Variants in IL1RAPL2 observed in about 807,000 individuals in gnomAD.
The protein encoded by IL1RAPL2 is X-linked interleukin-1 receptor accessory protein-like 2.
Under a neutral mutation model 44.1 loss-of-function variants are expected in IL1RAPL2, and 3 were observed. The observed-to-expected ratio is 0.07, with a 90% CI of 0.03 to 0.18. The LOEUF is 0.18. Among genes scored for constraint, IL1RAPL2 ranks in the 10% least tolerant of loss-of-function variants. The pLI is 1.00. For synonymous variants in IL1RAPL2, 181 were observed against 178.8 expected, an observed-to-expected ratio of 1.01 and a Z score of -0.10; for missense variants, 391 against 496.4, an observed-to-expected ratio of 0.79 and a Z score of 2.02.
At chrX:104,915,932 C>G (rs187661262) in intron 2 of IL1RAPL2, among the ~76,000 whole-genome samples, 2 of 112,001 alleles carry the variant, frequency 1.8e-5, no homozygotes, top group Admixed American at 1.9e-4. Context: ...ATCTATATCT[C>G]TGTTTTCTTA....
intron 2 of IL1RAPL2, among the ~76,000 whole-genome samples, chrX:104,889,043 C>G (rs1923341726): frequency 9.0e-6 from 1 of 111,231 alleles, no homozygotes; most frequent in Non-Finnish European, 1.9e-5. Context: ...TAATTACACC[C>G]CACAACTTCA....
chrX:104,604,708 T>C (rs760642741), intron 1 of IL1RAPL2, among the ~76,000 whole-genome samples: 80 of 96,338 alleles, frequency 8.3e-4, no homozygotes, highest in African/African-American at 3.0e-3. Context: ...CCTACAAAGA[T>C]CAAAAGAGAC....
At chrX:105,068,429 C>G (rs1053738123) in intron 2 of IL1RAPL2, among the ~76,000 whole-genome samples, 23 of 111,956 alleles carry the variant, frequency 2.1e-4, no homozygotes, top group African/African-American at 7.5e-4. Context: ...GTTTCTTCAT[C>G]TGTAAAATGG....
intron 2 of IL1RAPL2, among the ~76,000 whole-genome samples, chrX:105,006,302 C>T (rs776621154): frequency 2.7e-4 from 30 of 109,877 alleles, no homozygotes; most frequent in Non-Finnish European, 4.8e-4. Context: ...TGAAATAAGG[C>T]TTTTTATGAC....
intron 6 of IL1RAPL2, among the ~76,000 whole-genome samples, chrX:105,709,981 A>T (rs2038195395): frequency 9.0e-6 from 1 of 111,212 alleles, no homozygotes; most frequent in Non-Finnish European, 1.9e-5. Flanking sequence ...GATTGAGCCA[A>T]TTGTGTACCA....
intron 4 of IL1RAPL2, among the ~76,000 whole-genome samples, chrX:105,237,655 G>C (rs5962484): frequency 0.23 from 25,725 of 111,058 alleles, 6,194 homozygotes; most frequent in African/African-American, 0.74. Context: ...TGAGAAGTGT[G>C]TGTTCATATC....
intron 6 of IL1RAPL2, among the ~76,000 whole-genome samples, chrX:105,575,546 A>C (rs2147812127): frequency 8.9e-6 from 1 of 112,228 alleles, no homozygotes; most frequent in African/African-American, 3.2e-5. Context: ...GTGTATATGT[A>C]CCACATTTTC....
At chrX:104,630,005 A>G (rs1418634809) in intron 1 of IL1RAPL2, among the ~76,000 whole-genome samples, 2 of 111,040 alleles carry the variant, frequency 1.8e-5, no homozygotes, top group African/African-American at 6.6e-5. Context: ...TGTTTTTGAG[A>G]TGGAATCTCG....
intron 3 of IL1RAPL2, among the ~76,000 whole-genome samples, chrX:105,233,263 G>A (rs1041078342): frequency 4.5e-5 from 5 of 111,726 alleles, no homozygotes; most frequent in South Asian, 7.6e-4. Flanking sequence ...CAGCCTGGGC[G>A]ACAGAGCGAG....
chrX:105,247,677 G>C lies in IL1RAPL2; in HGVS notation c.543+13673G>C, dbSNP rs61465203. On this transcript the variant is annotated intron_variant, in intron 4 of 10. Coordinates refer to ENST00000372582, the MANE Select transcript of IL1RAPL2 (RefSeq NM_017416.2). ...TAAAAGCTGATTGTTTTGACAAATC[G>C]AACAGTGAAGAGGTATATTAATATA... Among the ~76,000 whole-genome samples, 3 of 101,226 alleles carry C rather than the reference G, an allele frequency of 3.0e-5. No individual in the cohort carries two copies. In the East Asian group the frequency reaches 1.0e-3, roughly 34 times the overall value. 87.9% of individuals were successfully genotyped at this position (101,226 alleles called of 115,157 possible). A position where few individuals can be genotyped will look rare whatever the true frequency, so the allele number is the denominator to read the frequency against.
At chrX:105,216,587 G>GA (rs1180436392) in intron 3 of IL1RAPL2, among the ~76,000 whole-genome samples, 1,439 of 100,553 alleles carry the variant, frequency 0.014, 29 homozygotes, top group African/African-American at 0.046. Flanking sequence ...CACTGAATTA[G>GA]AAAAAAAAAA....
chrX:104,874,773 C>G (rs1417821652), intron 2 of IL1RAPL2, among the ~76,000 whole-genome samples: 1 of 111,552 alleles, frequency 9.0e-6, no homozygotes, highest in Non-Finnish European at 1.9e-5. Flanking sequence ...CTCTTAGATT[C>G]ACTGAACCAA....
chrX:104,687,388 C>G (rs986990925), intron 2 of IL1RAPL2, among the ~76,000 whole-genome samples: 1 of 110,747 alleles, frequency 9.0e-6, no homozygotes. Flanking sequence ...AGGTGCCAGG[C>G]TCTTTTTTAA....
chrX:105,633,705 A>G (rs2037505916), intron 6 of IL1RAPL2, among the ~76,000 whole-genome samples: 1 of 111,355 alleles, frequency 9.0e-6, no homozygotes, highest in South Asian at 3.7e-4. Flanking sequence ...TAAAGTTTTG[A>G]TTAGTGTTTA....
intron 6 of IL1RAPL2, among the ~76,000 whole-genome samples, chrX:105,658,148 T>C (rs1414530065): frequency 1.8e-5 from 2 of 110,350 alleles, no homozygotes; most frequent in Non-Finnish European, 3.8e-5. Flanking sequence ...GAAAGCTGCA[T>C]AGACTAAGAA....
At chrX:105,424,650 T>C (rs967274938) in intron 5 of IL1RAPL2, among the ~76,000 whole-genome samples, 14 of 109,978 alleles carry the variant, frequency 1.3e-4, no homozygotes, top group Admixed American at 2.9e-4. Flanking sequence ...CTCTGGAGGC[T>C]GAGGCAGGAG....
At chrX:105,547,046 T>G (rs2036807727) in intron 6 of IL1RAPL2, among the ~76,000 whole-genome samples, 1 of 112,280 alleles carries the variant, frequency 8.9e-6, no homozygotes, top group East Asian at 2.8e-4. Flanking sequence ...CAGTGCATAT[T>G]TCAGCTGCCT....
At chrX:105,548,756 T>C (rs771486947) in intron 6 of IL1RAPL2, among the ~76,000 whole-genome samples, 1 of 111,738 alleles carries the variant, frequency 8.9e-6, no homozygotes, top group South Asian at 3.8e-4. Flanking sequence ...GTGGGGATAA[T>C]AATTGCTACT....
rs753524673 is a variant in IL1RAPL2 at position 105,767,124 on chromosome X, G to A, written c.1524G>A (p.Glu508=). 7.4e-6 allele frequency: 9 copies of A among 1,209,455 alleles called. No homozygotes were observed. Among genetic ancestry groups the A allele is most frequent in the Non-Finnish European group, 8.9e-6 (8 of 894,718 alleles). Residue 508 remains glutamate (E), a synonymous_variant, in exon 11 of 11, where the codon GAG becomes GAA. Coordinates refer to ENST00000372582, the MANE Select transcript of IL1RAPL2 (RefSeq NM_017416.2). The part of the protein sequence containing the change: ...VSGEIKVILI[E]CTELKGKVNC... The stretch of plus-strand genomic sequence containing the variant: ...GAGAAATCAAAGTGATTTTGATTGA[G>A]TGTACAGAATTAAAAGGGAAAGTGA...
Sources: gnomAD v4.1 joint callset for allele counts (sites outside exome capture counted in the v4.1 genomes callset) on GRCh38, gnomAD v4.1.1 for gene constraint, MANE v1.5 for transcripts, NCBI Gene and HGNC (gene_info 2026-07-23, HGNC 2026-07-21) for gene names.